The following SLCO2B1 variants were observed in gnomAD, a reference collection of about 807,000 sequenced individuals.
SLCO2B1 encodes solute carrier organic anion transporter family member 2B1.
In SLCO2B1, 41 loss-of-function variants were observed where a neutral mutation model predicts 67.3. That is an observed-to-expected ratio of 0.61 (90% CI 0.47 to 0.79). The LOEUF (loss-of-function observed/expected upper bound fraction) is 0.79. SLCO2B1 is among the 30% of genes least tolerant of loss of function. SLCO2B1 has a pLI of 0.00. For synonymous variants in SLCO2B1, 379 were observed against 381.4 expected (o/e 0.99, Z 0.07); for missense variants, 837 against 920.1 (o/e 0.91, Z 1.17).
At chr11:75,203,519 A>T in intron 13 of SLCO2B1, 92 bp downstream of exon 13, 1 of 1,516,772 alleles carries the variant, frequency 6.6e-7, no homozygotes, top group Non-Finnish European at 9.1e-7. Context: ...GGTTTCATTT[A>T]AGTCTACCTG....
chr11:75,202,906 T>A lies in SLCO2B1; in HGVS notation c.1769T>A (p.Val590Glu). The part of the protein sequence containing the change: ...TPSFMLILRG[V>E]KKEDKTLAVG... ...CCCATGTCTCTGCTTGTTAGAGGAG[T>A]GAAGAAAGAAGACAAGACTTTGGCT... Residue 590 changes from valine to glutamate, a missense_variant, in exon 12 of 14, where the codon GTG becomes GAG. Physicochemically the swap from Val to Glu is moderately radical, Grantham distance 121 (BLOSUM62 -2). Coordinates refer to ENST00000289575, the MANE Select transcript of SLCO2B1 (RefSeq NM_007256.5). 6.2e-7 allele frequency: 1 copy of A among 1,612,914 alleles called. No individual in the cohort carries two copies. Among genetic ancestry groups the A allele is most frequent in the Non-Finnish European group, 8.5e-7 (1 of 1,179,724 alleles).
At chr11:75,198,119 G>A (rs930603350) in intron 10 of SLCO2B1, among the ~76,000 whole-genome samples, 3 of 152,210 alleles carry the variant, frequency 2.0e-5, no homozygotes, top group Non-Finnish European at 4.4e-5. Flanking sequence ...AGAAGAACCT[G>A]TTGATGGTGC....
chr11:75,166,395 G>C (rs1344965463), intron 4 of SLCO2B1, among the ~76,000 whole-genome samples: 1 of 152,164 alleles, frequency 6.6e-6, no homozygotes, highest in African/African-American at 2.4e-5. Context: ...GAATGAATGA[G>C]TGAATGAACA....
intron 1 of SLCO2B1, among the ~76,000 whole-genome samples, chr11:75,155,916 G>A (rs1949741304): frequency 6.6e-6 from 1 of 152,128 alleles, no homozygotes; most frequent in Admixed American, 6.5e-5. Flanking sequence ...TGCTCACTAG[G>A]GTGGGGGGTA....
At chr11:75,169,130 G>A (rs1049800042) in intron 4 of SLCO2B1, 43 bp from the exon 5 acceptor site, 2 of 1,509,212 alleles carry the variant, frequency 1.3e-6, no homozygotes, top group Non-Finnish European at 1.8e-6. Context: ...CGCTATTTAA[G>A]TCTTAGCTAT....
At chr11:75,194,637 G>A (rs527289853) in intron 9 of SLCO2B1, among the ~76,000 whole-genome samples, 2 of 151,988 alleles carry the variant, frequency 1.3e-5, no homozygotes, top group East Asian at 1.9e-4. Context: ...TCCTGTGTGC[G>A]GAGCCTTGTT....
chr11:75,152,238 T>A (rs2712810), intron 1 of SLCO2B1: 120,300 of 152,310 alleles, frequency 0.79, 47,812 homozygotes, highest in Middle Eastern at 0.9. Context: ...CTACTGGGAG[T>A]ACTCCAGGTT....
chr11:75,202,833 C>T lies in SLCO2B1; in HGVS notation c.1764-68C>T, dbSNP rs1032914968. On this transcript the variant is annotated intron_variant, in intron 11 of 13. Coordinates refer to ENST00000289575, the MANE Select transcript of SLCO2B1 (RefSeq NM_007256.5). ...GAAGGGCATAATAAGAACCCTTCAACGTTGATGCATGGCCCTTGGGGGCTG... is the reference window on the plus strand; with the variant it reads ...GAAGGGCATAATAAGAACCCTTCAATGTTGATGCATGGCCCTTGGGGGCTG... 1.9e-5 allele frequency: 26 copies of T among 1,367,100 alleles called. No individual in the cohort carries two copies. The African/African-American group carries it at 2.4e-4, about 13-fold the overall frequency. The allele number at this position is 1,367,100 out of a possible 1,614,324, so 84.7% of individuals were successfully genotyped here. A position where few individuals can be genotyped will look rare whatever the true frequency, so the allele number is the denominator to read the frequency against.
At chr11:75,198,599 C>T (rs1591837344) in intron 10 of SLCO2B1, among the ~76,000 whole-genome samples, 1 of 152,358 alleles carries the variant, frequency 6.6e-6, no homozygotes, top group African/African-American at 2.4e-5. Flanking sequence ...TCCCAGCCAG[C>T]CCCCTCTTTG....
At chr11:75,181,256 G>C (rs551360433) in intron 7 of SLCO2B1, among the ~76,000 whole-genome samples, 2 of 151,848 alleles carry the variant, frequency 1.3e-5, no homozygotes, top group South Asian at 4.2e-4. Context: ...TATAATCCCA[G>C]CTACTTGGGA....
chr11:75,160,083 C>G (rs1175376015), intron 1 of SLCO2B1, among the ~76,000 whole-genome samples: 1 of 152,204 alleles, frequency 6.6e-6, no homozygotes, highest in Non-Finnish European at 1.5e-5. Context: ...CCACCCCTCT[C>G]CCCCATCCAT....
rs765383081 is a variant in SLCO2B1 at position 75,200,339 on chromosome 11, C to G, written c.1715C>G (p.Ser572Trp). Residue 572 changes from serine to tryptophan, a missense_variant, in exon 11 of 14, where the codon TCG becomes TGG. Physicochemically the swap from Ser to Trp is radical, Grantham distance 177 (BLOSUM62 -3). Transcript: ENST00000289575. The part of the protein sequence containing the change: ...VPFLLLVSLG[S>W]ALACLTHTPS... ...TTCCTGCTCCTGGTCAGCCTGGGCT[C>G]GGCCCTGGCCTGTCTCACCCACACA... is the stretch of plus-strand genomic sequence containing the variant. 6.2e-7 allele frequency: 1 copy of G among 1,612,916 alleles called. No homozygotes were observed. Among genetic ancestry groups the G allele is most frequent in the Non-Finnish European group, 8.5e-7 (1 of 1,179,634 alleles).
At chr11:75,166,680 C>T (rs570646004) in intron 4 of SLCO2B1, among the ~76,000 whole-genome samples, 8 of 152,222 alleles carry the variant, frequency 5.3e-5, no homozygotes, top group South Asian at 4.1e-4. Flanking sequence ...CAATGGGACA[C>T]GCAACAAACT....
chr11:75,158,039 T>A (rs1477060995), intron 1 of SLCO2B1, among the ~76,000 whole-genome samples: 7 of 152,140 alleles, frequency 4.6e-5, no homozygotes, highest in African/African-American at 1.7e-4. Context: ...ATTCTTAAAC[T>A]TTTTAGTTTT....
chr11:75,174,891 T>C (rs1023449176), intron 7 of SLCO2B1, among the ~76,000 whole-genome samples: 3 of 152,182 alleles, frequency 2.0e-5, no homozygotes, highest in African/African-American at 7.2e-5. Context: ...TCATGTGACC[T>C]TGAGCAGCAA....
chr11:75,194,462 C>A (rs1443163151), intron 9 of SLCO2B1, among the ~76,000 whole-genome samples: 2 of 152,200 alleles, frequency 1.3e-5, no homozygotes, highest in East Asian at 3.9e-4. Context: ...TCCTGCATGG[C>A]TGTCGGGGGC....
At chr11:75,194,847 C>A (rs1945077997) in intron 9 of SLCO2B1, among the ~76,000 whole-genome samples, 1 of 152,204 alleles carries the variant, frequency 6.6e-6, no homozygotes, top group Non-Finnish European at 1.5e-5. Flanking sequence ...TTAGCTTTGA[C>A]ATCTCATGTC....
chr11:75,174,154 T>G (rs1784372037), intron 7 of SLCO2B1, among the ~76,000 whole-genome samples: 1 of 152,236 alleles, frequency 6.6e-6, no homozygotes, highest in African/African-American at 2.4e-5. Flanking sequence ...TTTTTAATAC[T>G]TATACACATT....
intron 5 of SLCO2B1, 77 bp from the exon 6 acceptor site, chr11:75,169,589 C>A: frequency 1.5e-6 from 2 of 1,326,312 alleles, no homozygotes; most frequent in Non-Finnish European, 2.1e-6. Context: ...TGTTCTTGCC[C>A]ATCAGAGACT....
Sources: allele counts gnomAD v4.1 joint callset (sites outside exome capture counted in the v4.1 genomes callset), GRCh38; gene constraint gnomAD v4.1.1; transcripts MANE v1.5; gene names NCBI Gene and HGNC (gene_info 2026-07-23, HGNC 2026-07-21).